The following KAZN variants were observed in gnomAD, a reference collection of about 807,000 sequenced individuals.
KAZN encodes kazrin.
A neutral mutation model predicts 87.4 loss-of-function variants in KAZN; 40 were observed. The observed-to-expected ratio is 0.46, with a 90% confidence interval of 0.36 to 0.60. The LOEUF (loss-of-function observed/expected upper bound fraction) is 0.60. Among genes scored for constraint, KAZN ranks in the 20% least tolerant of loss-of-function variants. The pLI is 0.00. For missense variants in KAZN, 898 were observed against 1,073.9 expected, an observed-to-expected ratio of 0.84 and a Z score of 2.29; for synonymous variants, 466 against 458.3, an observed-to-expected ratio of 1.02 and a Z score of -0.22.
Position 15,088,539 on chromosome 1 carries a change from T to C in KAZN, c.1223-5641T>C, listed in dbSNP as rs115775270. Among the ~76,000 whole-genome samples, 469 of 152,314 alleles carry C rather than the reference T, an allele frequency of 3.1e-3. 1 individual carries two copies. Among genetic ancestry groups the C allele is most frequent in the African/African-American group, 0.01 (432 of 41,566 alleles). On this transcript the variant is annotated intron_variant, in intron 8 of 14. Coordinates refer to ENST00000376030, the MANE Select transcript of KAZN (RefSeq NM_201628.3). ...CAGGGACTCAGCCAGCACCCGCGAC[T>C]CGGCAGCCCCTCCGCTGAGCAGCCT...
intron 8 of KAZN, among the ~76,000 whole-genome samples, chr1:15,092,883 T>C (rs894678320): frequency 6.6e-6 from 1 of 151,938 alleles, no homozygotes; most frequent in African/African-American, 2.4e-5. Context: ...CAACGAACCA[T>C]ATATAGAAGA....
intron 2 of KAZN, among the ~76,000 whole-genome samples, chr1:14,316,808 A>G (rs893737932): frequency 6.6e-6 from 1 of 151,884 alleles, no homozygotes; most frequent in South Asian, 2.1e-4. Context: ...TCAGAAGTAT[A>G]TTGCTTAATT....
In KAZN at chr1:14,865,845, G is replaced by A. The variant is rs534521309; in HGVS notation, c.227-94839G>A. Among the ~76,000 whole-genome samples, 43 of 152,270 alleles carry A rather than the reference G, an allele frequency of 2.8e-4. 1 individual carries two copies. Among genetic ancestry groups the A allele is most frequent in the African/African-American group, 7.7e-4 (32 of 41,552 alleles). On this transcript the variant is annotated intron_variant, in intron 1 of 14. Transcript: ENST00000376030. The stretch of plus-strand genomic sequence containing the variant: ...AGAAGGCCACGTGGATACACAGGGA[G>A]GAGGCCGTGGGACCACAGAGGCAGA...
intron 1 of KAZN, among the ~76,000 whole-genome samples, chr1:14,911,640 T>C (rs1657262609): frequency 6.6e-6 from 1 of 152,144 alleles, no homozygotes; most frequent in South Asian, 2.1e-4. Flanking sequence ...GCACTGATGG[T>C]GCAGCTCTGG....
intron 2 of KAZN, among the ~76,000 whole-genome samples, chr1:14,285,034 T>A (rs1653130413): frequency 6.6e-6 from 1 of 152,096 alleles, no homozygotes; most frequent in African/African-American, 2.4e-5. Context: ...AAGTAAAAAA[T>A]GCAACAACAC....
At chr1:15,100,970 G>A (rs1420270555) in intron 10 of KAZN, among the ~76,000 whole-genome samples, 1 of 152,108 alleles carries the variant, frequency 6.6e-6, no homozygotes, top group Admixed American at 6.5e-5. Context: ...TGCTGTGGAG[G>A]CCCCCAGGGA....
intron 1 of KAZN, among the ~76,000 whole-genome samples, chr1:14,143,463 G>A (rs1249502907): frequency 6.6e-6 from 1 of 152,104 alleles, no homozygotes; most frequent in African/African-American, 2.4e-5. Context: ...ATTTCCTACT[G>A]TGAAAGGTAA....
At chr1:14,762,782 C>T (rs550773733) in intron 1 of KAZN, among the ~76,000 whole-genome samples, 1 of 151,976 alleles carries the variant, frequency 6.6e-6, no homozygotes, top group African/African-American at 2.4e-5. Context: ...TTCTCCACCC[C>T]ACAGGGGCCA....
intron 1 of KAZN, among the ~76,000 whole-genome samples, chr1:14,810,214 C>T (rs1040994362): frequency 6.6e-6 from 1 of 152,064 alleles, no homozygotes; most frequent in Admixed American, 6.6e-5. Flanking sequence ...ACTGGGAGGC[C>T]GAGGTACCTT....
chr1:14,879,002 C>T (rs1049457608), intron 1 of KAZN, among the ~76,000 whole-genome samples: 3 of 152,190 alleles, frequency 2.0e-5, no homozygotes, highest in African/African-American at 4.8e-5. Context: ...AATCTTCTTG[C>T]GGATCAACTT....
In KAZN at chr1:14,930,012, T is replaced by G. The variant is rs375652110; in HGVS notation, c.227-30672T>G. On this transcript the variant is annotated intron_variant, in intron 1 of 14. Transcript: ENST00000376030. ...TCATGTGCTGCAGTGGCACCCAGTT[T>G]GGAGGAAATTCGGAACCAGAAGAGT... The G allele has an allele frequency of 5.7e-5, 56 of 985,536 alleles. No individual in the cohort carries two copies. The African/African-American group carries it at 9.8e-4, about 17-fold the overall frequency. The allele number at this position is 985,536 out of a possible 1,614,324, so 61.0% of individuals were successfully genotyped here.
intron 1 of KAZN, among the ~76,000 whole-genome samples, chr1:14,011,089 G>A (rs1161876636): frequency 6.6e-6 from 1 of 151,498 alleles, no homozygotes; most frequent in Non-Finnish European, 1.5e-5. Context: ...CCCATCTTGG[G>A]AGCCCCCAGA....
chr1:14,816,428 C>G (rs893487843), intron 1 of KAZN, among the ~76,000 whole-genome samples: 3 of 152,142 alleles, frequency 2.0e-5, no homozygotes, highest in Admixed American at 6.5e-5. Flanking sequence ...TTGTGGCTAT[C>G]TGAGCAGGTC....
chr1:14,279,862 G>T lies in KAZN; in HGVS notation c.249+99270G>T, dbSNP rs570217363. On this transcript the variant is annotated intron_variant, in intron 2 of 16. Coordinates refer to the KAZN transcript ENST00000636203. ...TGAGGGTCACAGAAGAACGGCCCAG[G>T]AGCTGCTCTGGAAAGTACAGGGGCC... 2.0e-5 allele frequency among the ~76,000 whole-genome samples: 3 copies of T among 152,242 alleles called. No homozygotes were observed. In the East Asian group the frequency reaches 5.8e-4, roughly 29 times the overall value.
intron 1 of KAZN, among the ~76,000 whole-genome samples, chr1:14,779,836 C>A (rs1056799789): frequency 6.6e-6 from 1 of 152,184 alleles, no homozygotes; most frequent in East Asian, 1.9e-4. Flanking sequence ...TGAAGTGACA[C>A]GTAAACAAGA....
At position 14,788,791 on chromosome 1, in the gene KAZN, G is replaced by GGGAGGTCACTTGTACACGTA. The variant is rs911978451; in HGVS notation, c.227-171883_227-171864dup. Among the ~76,000 whole-genome samples the GGGAGGTCACTTGTACACGTA allele has an allele frequency of 2.6e-5, 4 of 152,128 alleles. No individual in the cohort carries two copies. The East Asian group carries it at 7.8e-4, about 30-fold the overall frequency. Reference sequence around the variant, plus strand: ...GTGGGAGGTCACCACTTGTACACGTGGGAGGTCACTTGTACACGTAGGAGG... The same window carrying GGGAGGTCACTTGTACACGTA: ...GTGGGAGGTCACCACTTGTACACGTGGGAGGTCACTTGTACACGTAGGAGGTCACTTGTACACGTAGGAGG... On this transcript the variant is annotated intron_variant, in intron 1 of 14. Coordinates refer to ENST00000376030, the MANE Select transcript of KAZN (RefSeq NM_201628.3).
intron 2 of KAZN, among the ~76,000 whole-genome samples, chr1:14,311,278 T>A (rs561983051): frequency 0.014 from 2,093 of 152,286 alleles, 21 homozygotes; most frequent in Middle Eastern, 0.048. Flanking sequence ...ATATTGAACC[T>A]GACCTCTTTA....
intron 8 of KAZN, among the ~76,000 whole-genome samples, chr1:15,087,399 C>CCT (rs398102463): frequency 3.0e-4 from 32 of 108,372 alleles, no homozygotes; most frequent in South Asian, 9.0e-4. Context: ...GCACTTTTTT[C>CCT]TTTTTTTTTT....
At chr1:14,282,034 TC>T (rs1389903098) in intron 2 of KAZN, among the ~76,000 whole-genome samples, 1 of 152,206 alleles carries the variant, frequency 6.6e-6, no homozygotes, top group Non-Finnish European at 1.5e-5. Context: ...TGTTTTTATC[TC>T]TTACATATAG....
Sources: gnomAD v4.1 joint callset for allele counts (sites outside exome capture counted in the v4.1 genomes callset) on GRCh38, gnomAD v4.1.1 for gene constraint, MANE v1.5 for transcripts, NCBI Gene and HGNC (gene_info 2026-07-23, HGNC 2026-07-21) for gene names.